Variants in BAHCC1 observed in about 807,000 individuals in gnomAD.
BAHCC1 encodes the protein BAH and coiled-coil domain-containing protein 1.
In BAHCC1, 43 loss-of-function variants were observed where a neutral mutation model predicts 88.2. The observed-to-expected ratio is 0.49, with a 90% CI of 0.38 to 0.63. The LOEUF (loss-of-function observed/expected upper bound fraction) is 0.63. Ranked by LOEUF, BAHCC1 falls within the 20% of genes least tolerant of loss-of-function variation. The pLI is 0.00. For missense variants in BAHCC1, 3,023 were observed against 1,654.8 expected (o/e 1.83, Z -14.34); for synonymous variants, 1,510 against 745.5 (o/e 2.03, Z -16.71).
intron 16 of BAHCC1, among the ~76,000 whole-genome samples, chr17:81,457,144 G>T (rs1322533973): frequency 6.6e-6 from 1 of 152,128 alleles, no homozygotes; most frequent in East Asian, 1.9e-4. Context: ...TGGGGAGGGG[G>T]CCCCAGCCCT....
At chr17:81,417,935 C>A (rs1555648996) in intron 2 of BAHCC1, among the ~76,000 whole-genome samples, 2 of 152,230 alleles carry the variant, frequency 1.3e-5, no homozygotes. Context: ...GCTGCCCCCA[C>A]ACTGCTTCCC....
At chr17:81,410,731 A>G (rs2063939674) in intron 2 of BAHCC1, among the ~76,000 whole-genome samples, 1 of 152,036 alleles carries the variant, frequency 6.6e-6, no homozygotes, top group African/African-American at 2.4e-5. Flanking sequence ...AGAGCTTCCC[A>G]GTGGCAGAGG....
In BAHCC1 at chr17:81,415,847, G is replaced by T. The variant is rs2143302215; in HGVS notation, c.179-10953G>T. ...CCTGGGTGCGGGGACCCCAGCTCTGGGGGCTGCAACTACCCACAGAACCAT... is the reference window on the plus strand; with the variant it reads ...CCTGGGTGCGGGGACCCCAGCTCTGTGGGCTGCAACTACCCACAGAACCAT... On this transcript the variant is annotated intron_variant, in intron 2 of 27. Coordinates refer to ENST00000675386, the MANE Select transcript of BAHCC1 (RefSeq NM_001377448.1). 2.6e-5 allele frequency among the ~76,000 whole-genome samples: 4 copies of T among 152,354 alleles called. No individual in the cohort carries two copies. The Middle Eastern group carries it at 0.014, about 518-fold the overall frequency.
chr17:81,419,183 A>C (rs989205420), intron 2 of BAHCC1, among the ~76,000 whole-genome samples: 2 of 152,190 alleles, frequency 1.3e-5, no homozygotes, highest in Non-Finnish European at 2.9e-5. Context: ...AGCCCCTGCC[A>C]CAGCAGCTTC....
At position 81,399,576 on chromosome 17, in the gene BAHCC1, C is replaced by A; in HGVS notation, c.-164C>A. ...CGGCCGCTGGCTCGGTGCGCGGCCG[C>A]CCGCCGAGAAGCCCAGTCCTCCCGC... On this transcript the variant is annotated 5_prime_UTR_variant, in exon 2 of 28. Coordinates refer to ENST00000675386, the MANE Select transcript of BAHCC1 (RefSeq NM_001377448.1). This position sits in a 1 kb window ranked among gnomAD's most constrained non-coding sequence, Gnocchi z 4.5. The A allele has an allele frequency of 2.3e-6, 1 of 435,912 alleles. No individual in the cohort carries two copies. The highest frequency in any genetic ancestry group is 4.1e-6 in the Non-Finnish European group (1 of 244,912). 27.0% of individuals were successfully genotyped at this position (435,912 alleles called of 1,614,324 possible). A position where few individuals can be genotyped will look rare whatever the true frequency, so the allele number is the denominator to read the frequency against.
At position 81,399,504 on chromosome 17, in the gene BAHCC1, C is replaced by T. The variant is rs1230859312; in HGVS notation, c.-206-30C>T. ...CCGGGCGAGCCGAGCCCCCCAGTCA[C>T]CCGTGTCTCCTCTGCTTTTGCCTCC... On this transcript the variant is annotated intron_variant, in intron 1 of 27. Coordinates refer to ENST00000675386, the MANE Select transcript of BAHCC1 (RefSeq NM_001377448.1). This position sits in a 1 kb window ranked among gnomAD's most constrained non-coding sequence, Gnocchi z 4.5. 1.6e-5 allele frequency: 5 copies of T among 307,764 alleles called. No individual in the cohort carries two copies. The highest frequency in any genetic ancestry group is 9.1e-5 in the African/African-American group (4 of 43,944). The allele number at this position is 307,764 out of a possible 1,614,324, so 19.1% of individuals were successfully genotyped here. A position where few individuals can be genotyped will look rare whatever the true frequency, so the allele number is the denominator to read the frequency against.
rs1471167200 is a variant in BAHCC1 at position 81,411,720 on chromosome 17, G to T, written c.178+11803G>T. On this transcript the variant is annotated intron_variant, in intron 2 of 27. Coordinates refer to ENST00000675386, the MANE Select transcript of BAHCC1 (RefSeq NM_001377448.1). The surrounding 1 kb of genome is among the most constrained non-coding windows in gnomAD (Gnocchi z 6.2). Reference sequence around the variant, plus strand: ...ACTCTGCCCAGCCCACCCTGCCAGGGAGGCCTCAGCATAGTCCTTGAGCTC... The same window carrying T: ...ACTCTGCCCAGCCCACCCTGCCAGGTAGGCCTCAGCATAGTCCTTGAGCTC... 3.3e-6 allele frequency: 1 copy of T among 307,514 alleles called. No individual in the cohort carries two copies. Among genetic ancestry groups the T allele is most frequent in the Non-Finnish European group, 6.4e-6 (1 of 156,186 alleles). The allele number at this position is 307,514 out of a possible 1,614,324, so 19.0% of individuals were successfully genotyped here.
intron 2 of BAHCC1, among the ~76,000 whole-genome samples, chr17:81,406,298 A>G (rs2063878188): frequency 1.3e-5 from 2 of 152,166 alleles, no homozygotes; most frequent in Admixed American, 1.3e-4. Flanking sequence ...CGTGCTGTGA[A>G]TGGGCTTGGA....
chr17:81,416,982 C>T (rs1304082968), intron 2 of BAHCC1, among the ~76,000 whole-genome samples: 2 of 152,150 alleles, frequency 1.3e-5, no homozygotes, highest in Non-Finnish European at 2.9e-5. Context: ...CATCCGTTGC[C>T]GTGTTGTCCC....
At chr17:81,404,168 G>T (rs1484569476) in intron 2 of BAHCC1, among the ~76,000 whole-genome samples, 3 of 152,154 alleles carry the variant, frequency 2.0e-5, no homozygotes, top group Non-Finnish European at 4.4e-5. Flanking sequence ...GAATAACATG[G>T]ATGAGGCTAA....
chr17:81,444,333 G>T, intron 6 of BAHCC1, 48 bp from the exon 7 acceptor site: 1 of 706,390 alleles, frequency 1.4e-6, no homozygotes, highest in Non-Finnish European at 2.6e-6. Flanking sequence ...GTGGGATGGG[G>T]AGCTGGGCCT....
Position 81,461,201 on chromosome 17 carries a change from G to T in BAHCC1, c.6538G>T (p.Ala2180Ser). ...GGTGPGLPRG[A>S]HKLLRAKKAE... ...GACCGGGCCGGGCCTCCCCAGGGGA[G>T]CCCACAAGCTGCTGCGGGCTAAGAA... The change falls in exon 26 of 28, where the codon GCC (alanine) becomes TCC (serine). Residue 2180 changes from alanine to serine, a missense_variant. Ala to Ser is a moderately conservative substitution (Grantham distance 99). Transcript: ENST00000675386. The T allele has an allele frequency of 1.4e-6, 1 of 734,532 alleles. No individual in the cohort carries two copies. Among genetic ancestry groups the T allele is most frequent in the Non-Finnish European group, 2.5e-6 (1 of 400,556 alleles). 45.5% of individuals were successfully genotyped at this position (734,532 alleles called of 1,614,324 possible).
chr17:81,460,737 C>G (rs782576448), intron 25 of BAHCC1, 31 bp downstream of exon 25: 3 of 776,254 alleles, frequency 3.9e-6, no homozygotes, highest in South Asian at 2.7e-5. Flanking sequence ...GAATCCGGAT[C>G]GGGGAAGGCA....
At chr17:81,431,401 C>A (rs2064259958) in intron 3 of BAHCC1, among the ~76,000 whole-genome samples, 1 of 152,170 alleles carries the variant, frequency 6.6e-6, no homozygotes, top group Admixed American at 6.5e-5. Flanking sequence ...CTGTTGAGTG[C>A]AGGGGTTTCA....
chr17:81,445,837 C>T (rs1440480712), intron 10 of BAHCC1, among the ~76,000 whole-genome samples, 156 bp downstream of exon 10: 6 of 152,232 alleles, frequency 3.9e-5, no homozygotes, highest in African/African-American at 1.4e-4. Flanking sequence ...TCTCTTCCCT[C>T]TTCCCAGTCC....
At chr17:81,425,749 T>TGGTGATAGTGGTGG (rs149917502) in intron 2 of BAHCC1, among the ~76,000 whole-genome samples, 3 of 68,266 alleles carry the variant, frequency 4.4e-5, no homozygotes, top group South Asian at 4.8e-4. Flanking sequence ...ATGTGGTTGG[T>TGGTGATAGTGGTGG]GTGATGTGGT....
chr17:81,452,219 CT>C (rs2064652345), intron 13 of BAHCC1, 112 bp downstream of exon 13: 1 of 509,754 alleles, frequency 2.0e-6, no homozygotes, highest in South Asian at 3.1e-5. Flanking sequence ...GCTCTGCCCC[CT>C]ACCTGTGGGC....
chr17:81,444,608 A>G (rs1555653796), intron 7 of BAHCC1, 40 bp downstream of exon 7: 1 of 749,528 alleles, frequency 1.3e-6, no homozygotes, highest in Admixed American at 1.7e-5. Context: ...GGGGCTGATG[A>G]GGGTTCCCTC....
At chr17:81,408,948 C>T (rs1189249121) in intron 2 of BAHCC1, among the ~76,000 whole-genome samples, 6 of 152,256 alleles carry the variant, frequency 3.9e-5, no homozygotes, top group South Asian at 4.1e-4. Flanking sequence ...TGCCCATCCA[C>T]GCTCAGGTGA....
Sources: gnomAD v4.1 joint callset for allele counts (sites outside exome capture counted in the v4.1 genomes callset) on GRCh38, gnomAD v4.1.1 for gene constraint, Gnocchi (gnomAD v3.1) non-coding constraint, MANE v1.5 for transcripts, NCBI Gene and HGNC (gene_info 2026-07-23, HGNC 2026-07-21) for gene names.